Variants in EGLN1 observed in about 807,000 individuals in gnomAD.
EGLN1 encodes egl nine homolog 1.
EGLN1 carries 17 observed loss-of-function variants against 38.3 expected under a neutral mutation model. That is an observed-to-expected ratio of 0.44 (90% CI 0.30 to 0.67). EGLN1 has a LOEUF of 0.67. Among genes scored for constraint, EGLN1 ranks in the 30% least tolerant of loss-of-function variants. The pLI is 0.08. For synonymous variants in EGLN1, 283 were observed against 257.5 expected, an observed-to-expected ratio of 1.10 and a Z score of -0.95; for missense variants, 477 against 603.3, an observed-to-expected ratio of 0.79 and a Z score of 2.19.
chr1:231,415,238 A>C, intron 1 of EGLN1, among the ~76,000 whole-genome samples: 2 of 149,906 alleles, frequency 1.3e-5, no homozygotes, highest in African/African-American at 4.9e-5. Context: ...GCACCACTGC[A>C]CTCCAGCCTG....
In EGLN1 at chr1:231,395,500, A is replaced by T. The variant is rs965211481; in HGVS notation, c.892-21401T>A. Among the ~76,000 whole-genome samples, 11 of 152,338 alleles carry T rather than the reference A, an allele frequency of 7.2e-5. No individual in the cohort carries two copies. The South Asian group carries it at 2.3e-3, about 32-fold the overall frequency. On this transcript the variant is annotated intron_variant, in intron 1 of 4. Transcript: ENST00000366641. ...CTTTTCAAACTCTGGACTCAGATTG[A>T]ACACTGACAGCCTCATTTCCTGTTC... is the stretch of plus-strand genomic sequence containing the variant.
At chr1:231,406,934 A>G (rs1487757253) in intron 1 of EGLN1, among the ~76,000 whole-genome samples, 1 of 152,164 alleles carries the variant, frequency 6.6e-6, no homozygotes, top group Non-Finnish European at 1.5e-5. Flanking sequence ...TTCTTTATTC[A>G]AGACATTTTA....
intron 1 of EGLN1, among the ~76,000 whole-genome samples, chr1:231,408,098 CCCTT>C (rs1688841245): frequency 6.6e-6 from 1 of 152,080 alleles, no homozygotes; most frequent in Admixed American, 6.5e-5. Context: ...CCTTCCCCTG[CCCTT>C]ACAGATTTCT....
rs985504391 is a variant in EGLN1 at position 231,387,041 on chromosome 1, T to C, written c.892-12942A>G. On this transcript the variant is annotated intron_variant, in intron 1 of 4. Transcript: ENST00000366641. ...CCAGCTAATTTTTTAAAATGTTTTG[T>C]ACAGATGAGGTCTCGCTATGTTGCC... Among the ~76,000 whole-genome samples the C allele has an allele frequency of 1.1e-4, 16 of 151,850 alleles. No homozygotes were observed. The East Asian group carries it at 3.1e-3, about 30-fold the overall frequency.
Position 231,422,202 on chromosome 1 carries a change from T to G in EGLN1, c.-314A>C. On this transcript the variant is annotated 5_prime_UTR_variant, in exon 1 of 5. Coordinates refer to ENST00000366641, the MANE Select transcript of EGLN1 (RefSeq NM_022051.3). The stretch of plus-strand genomic sequence containing the variant: ...CCTGGGGAGCGCAAGACCGGCCCCC[T>G]CGGCCGCCGCCGCCGCCTCAGCGTC... 3 of 189,436 alleles carry G rather than the reference T, an allele frequency of 1.6e-5. No individual in the cohort carries two copies. Among genetic ancestry groups the G allele is most frequent in the Admixed American group, 6.2e-5 (1 of 16,082 alleles). 11.7% of individuals were successfully genotyped at this position (189,436 alleles called of 1,614,324 possible). A position where few individuals can be genotyped will look rare whatever the true frequency, so the allele number is the denominator to read the frequency against.
chr1:231,387,219 G>A (rs1347491698), intron 1 of EGLN1, among the ~76,000 whole-genome samples: 3 of 136,542 alleles, frequency 2.2e-5, no homozygotes, highest in Non-Finnish European at 3.2e-5. Context: ...AAATAACACC[G>A]GCATGCTATA....
At chr1:231,381,679 T>C (rs1404085737) in intron 1 of EGLN1, among the ~76,000 whole-genome samples, 2 of 152,216 alleles carry the variant, frequency 1.3e-5, no homozygotes, top group African/African-American at 2.4e-5. Context: ...TAGTGAAGAA[T>C]TGATAAAGTT....
chr1:231,389,722 G>C (rs1191998866), intron 1 of EGLN1, among the ~76,000 whole-genome samples: 1 of 152,180 alleles, frequency 6.6e-6, no homozygotes, highest in African/African-American at 2.4e-5. Flanking sequence ...GCCGAGGCAG[G>C]CGGGTCACGA....
intron 1 of EGLN1, among the ~76,000 whole-genome samples, chr1:231,406,920 A>G (rs1430706506): frequency 6.6e-6 from 1 of 152,136 alleles, no homozygotes. Flanking sequence ...CTTTAGCCCA[A>G]AATTTCTTTA....
At position 231,405,609 on chromosome 1, in the gene EGLN1, G is replaced by A. The variant is rs116729872; in HGVS notation, c.891+15389C>T. Among the ~76,000 whole-genome samples the A allele has an allele frequency of 7.8e-3, 1,191 of 152,222 alleles. 19 individuals carry two copies. Among genetic ancestry groups the A allele is most frequent in the African/African-American group, 0.027 (1,127 of 41,550 alleles). On this transcript the variant is annotated intron_variant, in intron 1 of 4. Coordinates refer to ENST00000366641, the MANE Select transcript of EGLN1 (RefSeq NM_022051.3). The stretch of plus-strand genomic sequence containing the variant: ...GAGTTGTTGAGTGCCTTGCTCAGTA[G>A]TAGAGAGCCAGATGACAAGAATCCA...
intron 1 of EGLN1, among the ~76,000 whole-genome samples, chr1:231,403,838 T>G (rs1251717152): frequency 6.8e-6 from 1 of 147,724 alleles, no homozygotes; most frequent in East Asian, 2.0e-4. Context: ...ACTGAAAAGA[T>G]AACACTACAA....
At chr1:231,386,035 C>T (rs1411386408) in intron 1 of EGLN1, among the ~76,000 whole-genome samples, 3 of 151,782 alleles carry the variant, frequency 2.0e-5, no homozygotes, top group Non-Finnish European at 2.9e-5. Context: ...CAGCTGGCCT[C>T]GGACTTCTGG....
At chr1:231,389,592 A>C (rs544179600) in intron 1 of EGLN1, among the ~76,000 whole-genome samples, 17 of 152,324 alleles carry the variant, frequency 1.1e-4, no homozygotes, top group African/African-American at 3.8e-4. Flanking sequence ...CTAGTTTGTA[A>C]AACTGCTTTT....
At chr1:231,400,986 T>C (rs1273565392) in intron 1 of EGLN1, among the ~76,000 whole-genome samples, 2 of 152,010 alleles carry the variant, frequency 1.3e-5, no homozygotes, top group African/African-American at 2.4e-5. Context: ...AAGGTGGAAG[T>C]TGCAATGAGC....
chr1:231,400,131 T>G (rs1446219374), intron 1 of EGLN1, among the ~76,000 whole-genome samples: 1 of 152,050 alleles, frequency 6.6e-6, no homozygotes, highest in Middle Eastern at 3.2e-3. Context: ...TTGTGAGAGG[T>G]GTATATAAGA....
At chr1:231,395,883 G>A (rs113274992) in intron 1 of EGLN1, among the ~76,000 whole-genome samples, 12 of 152,118 alleles carry the variant, frequency 7.9e-5, no homozygotes, top group African/African-American at 2.9e-4. Context: ...GTGACTCATA[G>A]ACACATTAAT....
At chr1:231,399,240 C>G (rs957766298) in intron 1 of EGLN1, among the ~76,000 whole-genome samples, 1 of 152,126 alleles carries the variant, frequency 6.6e-6, no homozygotes, top group Admixed American at 6.5e-5. Flanking sequence ...ATACTGGGCA[C>G]TTTATATTAT....
chr1:231,375,701 G>A (rs1687941143), intron 1 of EGLN1, among the ~76,000 whole-genome samples: 1 of 152,110 alleles, frequency 6.6e-6, no homozygotes, highest in Non-Finnish European at 1.5e-5. Context: ...GTGTGGCATG[G>A]GCTTAGTGGG....
intron 1 of EGLN1, among the ~76,000 whole-genome samples, chr1:231,393,311 AT>A: frequency 6.6e-6 from 1 of 152,290 alleles, no homozygotes; most frequent in East Asian, 1.9e-4. Flanking sequence ...TGTTTCGGTT[AT>A]TTGCATCTGA....
Sources: allele counts gnomAD v4.1 joint callset (sites outside exome capture counted in the v4.1 genomes callset), GRCh38; gene constraint gnomAD v4.1.1; transcripts MANE v1.5; gene names NCBI Gene and HGNC (gene_info 2026-07-23, HGNC 2026-07-21).